Variants in SOCS5 observed in about 807,000 individuals in gnomAD.
The protein encoded by SOCS5 is suppressor of cytokine signaling 5.
A neutral mutation model predicts 42.8 loss-of-function variants in SOCS5; 32 were observed. That is an observed-to-expected ratio of 0.75 (90% CI 0.56 to 1.01). The LOEUF (loss-of-function observed/expected upper bound fraction) is 1.01, where lower values mean the gene tolerates loss of function less well. Among genes scored for constraint, SOCS5 ranks in the 50% least tolerant of loss-of-function variants. The pLI is 0.00. For missense variants in SOCS5, 627 were observed against 653.0 expected, an observed-to-expected ratio of 0.96 and a Z score of 0.43; for synonymous variants, 283 against 229.6, an observed-to-expected ratio of 1.23 and a Z score of -2.10.
intron 1 of SOCS5, among the ~76,000 whole-genome samples, chr2:46,728,136 G>A (rs1673037782): frequency 6.6e-6 from 1 of 152,018 alleles, no homozygotes; most frequent in Admixed American, 6.5e-5. Context: ...CCACTTCCAG[G>A]TTTCCCCCAA....
In SOCS5 at chr2:46,761,144, G is replaced by A. The variant is rs1008228744; in HGVS notation, c.*1003G>A. ...CTTAAGTATAATTTATAGAATTTCA[G>A]TGCAGTTCATTCTTAATGGAAAATC... On this transcript the variant is annotated 3_prime_UTR_variant, in exon 2 of 2. Transcript: ENST00000394861. 1.2e-5 allele frequency: 2 copies of A among 167,024 alleles called. No individual in the cohort carries two copies. The highest frequency in any genetic ancestry group is 2.9e-5 in the Non-Finnish European group (2 of 68,102). The allele number at this position is 167,024 out of a possible 1,614,324, so 10.3% of individuals were successfully genotyped here.
At chr2:46,753,339 T>C (rs564690877) in intron 1 of SOCS5, among the ~76,000 whole-genome samples, 1 of 152,344 alleles carries the variant, frequency 6.6e-6, no homozygotes, top group South Asian at 2.1e-4. Flanking sequence ...TACTCAATCC[T>C]GGTACTACTA....
Position 46,759,785 on chromosome 2 carries a change from T to C in SOCS5, c.1255T>C (p.Phe419Leu). 1.9e-6 allele frequency: 3 copies of C among 1,614,164 alleles called. No individual in the cohort carries two copies. Among genetic ancestry groups the C allele is most frequent in the Non-Finnish European group, 2.5e-6 (3 of 1,180,002 alleles). The change falls in exon 2 of 2, where the codon TTC (phenylalanine) becomes CTC (leucine). Residue 419 changes from phenylalanine to leucine, a missense_variant. Coordinates refer to ENST00000394861, the MANE Select transcript of SOCS5 (RefSeq NM_144949.3). ...AGAGGACTACCTCTTCTCTGTGAGCTTCCGCCGCTACAACAGATCCCTGCA... is the reference window on the plus strand; with the variant it reads ...AGAGGACTACCTCTTCTCTGTGAGCCTCCGCCGCTACAACAGATCCCTGCA... ...AQEDYLFSVSFRRYNRSLHAR... is the reference protein window; with the variant it reads ...AQEDYLFSVSLRRYNRSLHAR...
intron 1 of SOCS5, among the ~76,000 whole-genome samples, chr2:46,746,928 T>C (rs553651181): frequency 4.5e-5 from 6 of 133,268 alleles, no homozygotes; most frequent in East Asian, 1.9e-4. Context: ...ATTTCTTTTT[T>C]TTTTTTTTTT....
rs187769621 is a variant in SOCS5, at chr2:46,762,512, G to A, written c.*2371G>A. On this transcript the variant is annotated 3_prime_UTR_variant, in exon 2 of 2. Transcript: ENST00000394861. The stretch of plus-strand genomic sequence containing the variant: ...ATGTTAAATGGAAATTGTTTTAAAT[G>A]TGTTTGAGTTTATGTAAGCATGTAT... 22 of 166,410 alleles carry A rather than the reference G, an allele frequency of 1.3e-4. No individual in the cohort carries two copies. The highest frequency in any genetic ancestry group is 5.1e-4 in the African/African-American group (21 of 41,584). The allele number at this position is 166,410 out of a possible 1,614,324, so 10.3% of individuals were successfully genotyped here.
At chr2:46,707,669 T>A (rs1240106608) in intron 1 of SOCS5, among the ~76,000 whole-genome samples, 2 of 152,204 alleles carry the variant, frequency 1.3e-5, no homozygotes, top group Non-Finnish European at 2.9e-5. Flanking sequence ...ACAAACACTT[T>A]TGTGTTTTAG....
Position 46,758,869 on chromosome 2 carries a change from C to G in SOCS5, c.339C>G (p.Ser113=). 3 of 1,613,958 alleles carry G rather than the reference C, an allele frequency of 1.9e-6. No individual in the cohort carries two copies. Among genetic ancestry groups the G allele is most frequent in the Non-Finnish European group, 2.5e-6 (3 of 1,179,844 alleles). The change falls in exon 2 of 2, where the codon TCC becomes TCG. Residue 113 remains serine (S), a synonymous_variant. Coordinates refer to ENST00000394861, the MANE Select transcript of SOCS5 (RefSeq NM_144949.3). ...TPGTRLARRD[S]YSRHAPWGGK... The stretch of plus-strand genomic sequence containing the variant: ...GAACAAGACTTGCACGAAGAGATTC[C>G]TACTCTCGACATGCTCCATGGGGTG...
chr2:46,750,121 A>G (rs557101711), intron 1 of SOCS5, among the ~76,000 whole-genome samples: 5 of 152,306 alleles, frequency 3.3e-5, no homozygotes, highest in African/African-American at 1.2e-4. Flanking sequence ...GGATTCTTAA[A>G]TGGTAATGCT....
In SOCS5 at chr2:46,699,857, A is replaced by G. The variant is rs978057966; in HGVS notation, c.-13+408A>G. 6.6e-6 allele frequency among the ~76,000 whole-genome samples: 1 copy of G among 152,062 alleles called. No homozygotes were observed. The highest frequency in any genetic ancestry group is 2.4e-5 in the African/African-American group (1 of 41,382). On this transcript the variant is annotated intron_variant, in intron 1 of 1. Coordinates refer to ENST00000394861, the MANE Select transcript of SOCS5 (RefSeq NM_144949.3). The surrounding 1 kb of genome is among the most constrained non-coding windows in gnomAD (Gnocchi z 4.8). The stretch of plus-strand genomic sequence containing the variant: ...AGACTGAAGCAGTTACACAGGCTGC[A>G]GGGAAGGGAGCACCGACCAAGTCAC...
In SOCS5 at chr2:46,760,149, G is replaced by C; in HGVS notation, c.*8G>C. On this transcript the variant is annotated 3_prime_UTR_variant, in exon 2 of 2. Coordinates refer to ENST00000394861, the MANE Select transcript of SOCS5 (RefSeq NM_144949.3). ...CCAGTCAAGGCAAAGTAAACTCTCCGGTCCCCAAAGGTTGTTAACTAGGTC... is the reference window on the plus strand; with the variant it reads ...CCAGTCAAGGCAAAGTAAACTCTCCCGTCCCCAAAGGTTGTTAACTAGGTC... The C allele has an allele frequency of 6.2e-7, 1 of 1,602,280 alleles. No individual in the cohort carries two copies. Among genetic ancestry groups the C allele is most frequent in the South Asian group, 1.1e-5 (1 of 89,362 alleles).
chr2:46,735,638 T>G (rs942616633), intron 1 of SOCS5, among the ~76,000 whole-genome samples: 1 of 151,904 alleles, frequency 6.6e-6, no homozygotes, highest in Non-Finnish European at 1.5e-5. Context: ...CTCTAGCACT[T>G]TACATAAAGC....
intron 1 of SOCS5, among the ~76,000 whole-genome samples, chr2:46,734,707 C>T (rs1572840289): frequency 6.6e-6 from 1 of 152,040 alleles, no homozygotes; most frequent in African/African-American, 2.4e-5. Flanking sequence ...CCTCATCATA[C>T]CCAATCCATA....
chr2:46,741,279 A>T (rs554525273), intron 1 of SOCS5, among the ~76,000 whole-genome samples: 1 of 152,142 alleles, frequency 6.6e-6, no homozygotes, highest in African/African-American at 2.4e-5. Context: ...TCGCTCTACC[A>T]CTCAGGCTGG....
intron 1 of SOCS5, among the ~76,000 whole-genome samples, chr2:46,736,308 G>A (rs1345019079): frequency 6.6e-6 from 1 of 152,158 alleles, no homozygotes; most frequent in Non-Finnish European, 1.5e-5. Context: ...CTCCCAAAGT[G>A]CTGGGATGAC....
chr2:46,704,526 A>T (rs1171311538), intron 1 of SOCS5, among the ~76,000 whole-genome samples: 2 of 152,208 alleles, frequency 1.3e-5, no homozygotes, highest in Non-Finnish European at 2.9e-5. Flanking sequence ...GTAGGAATTT[A>T]GCCCTAGTGT....
At chr2:46,755,100 A>T (rs981487335) in intron 1 of SOCS5, among the ~76,000 whole-genome samples, 1 of 152,156 alleles carries the variant, frequency 6.6e-6, no homozygotes. Flanking sequence ...GTCTAGATAG[A>T]CTGAAGAAGA....
chr2:46,753,979 C>G (rs1673681009), intron 1 of SOCS5, among the ~76,000 whole-genome samples: 1 of 152,132 alleles, frequency 6.6e-6, no homozygotes, highest in Non-Finnish European at 1.5e-5. Context: ...TTCTTTAACA[C>G]AATCTGTGTT....
intron 1 of SOCS5, among the ~76,000 whole-genome samples, chr2:46,737,281 G>A (rs540947709): frequency 2.6e-5 from 4 of 152,238 alleles, no homozygotes; most frequent in African/African-American, 9.6e-5. Context: ...AGTACAATCT[G>A]TGAATTTCTA....
At chr2:46,740,638 A>G (rs1673352854) in intron 1 of SOCS5, among the ~76,000 whole-genome samples, 1 of 152,202 alleles carries the variant, frequency 6.6e-6, no homozygotes, top group Non-Finnish European at 1.5e-5. Context: ...CAGAGATACC[A>G]GCTGGTGGCT....
Sources: gnomAD v4.1 joint callset for allele counts (sites outside exome capture counted in the v4.1 genomes callset) on GRCh38, gnomAD v4.1.1 for gene constraint, Gnocchi (gnomAD v3.1) non-coding constraint, MANE v1.5 for transcripts, NCBI Gene and HGNC (gene_info 2026-07-23, HGNC 2026-07-21) for gene names.